Variants in PBX3 observed in about 807,000 individuals in gnomAD.
PBX3 encodes the protein PBX homeobox 3.
Under a neutral mutation model 48.5 loss-of-function variants are expected in PBX3, and 14 were observed. The ratio of observed to expected loss-of-function variants is 0.29; its 90% CI spans 0.19 to 0.45. The LOEUF (loss-of-function observed/expected upper bound fraction) is 0.45. Ranked by LOEUF, PBX3 falls within the 20% of genes least tolerant of loss-of-function variation. PBX3 has a pLI of 1.00. For missense variants in PBX3, 386 were observed against 546.7 expected, an observed-to-expected ratio of 0.71 and a Z score of 2.93; for synonymous variants, 210 against 200.3, an observed-to-expected ratio of 1.05 and a Z score of -0.41.
intron 2 of PBX3, among the ~76,000 whole-genome samples, chr9:125,870,179 C>T (rs1438893999): frequency 6.6e-6 from 1 of 151,678 alleles, no homozygotes; most frequent in Non-Finnish European, 1.5e-5. Flanking sequence ...AGGGATTCTC[C>T]TGCCTCAGCC....
intron 2 of PBX3, among the ~76,000 whole-genome samples, chr9:125,813,009 A>G (rs2132131582): frequency 6.6e-6 from 1 of 152,326 alleles, no homozygotes; most frequent in Middle Eastern, 3.4e-3. Context: ...AGTGCATACT[A>G]CCGCACACTT....
chr9:125,915,972 C>A (rs199575020), intron 3 of PBX3, 45 bp downstream of exon 3: 13 of 1,597,666 alleles, frequency 8.1e-6, no homozygotes, highest in Non-Finnish European at 1.1e-5. Flanking sequence ...CCCTCTGTTG[C>A]TCTTCTATTA....
chr9:125,777,212 C>T (rs1837097471), intron 2 of PBX3, among the ~76,000 whole-genome samples: 12 of 151,932 alleles, frequency 7.9e-5, no homozygotes, highest in Admixed American at 7.9e-4. Flanking sequence ...TGGGATTTTG[C>T]CACGTTGCCC....
At position 125,796,424 on chromosome 9, in the gene PBX3, T is replaced by C. The variant is rs1013582312; in HGVS notation, c.274+47801T>C. On this transcript the variant is annotated intron_variant, in intron 2 of 8. Transcript: ENST00000373489. The stretch of plus-strand genomic sequence containing the variant: ...CTTGAGAATCCATTTTCTCCACCAA[T>C]TGATGGGACAGATATGACAAGCCTT... Among the ~76,000 whole-genome samples, 9 of 152,176 alleles carry C rather than the reference T, an allele frequency of 5.9e-5. 1 individual carries two copies. The highest frequency in any genetic ancestry group is 1.3e-4 in the Admixed American group (2 of 15,272).
intron 2 of PBX3, among the ~76,000 whole-genome samples, chr9:125,805,488 A>C (rs1293887626): frequency 1.3e-5 from 2 of 152,190 alleles, no homozygotes; most frequent in African/African-American, 4.8e-5. Context: ...AATGGATTTT[A>C]GGAGGCCAAA....
intron 2 of PBX3, among the ~76,000 whole-genome samples, chr9:125,902,056 A>T (rs1018503221): frequency 2.0e-5 from 3 of 150,970 alleles, no homozygotes; most frequent in Admixed American, 6.6e-5. Context: ...TTAGATACCT[A>T]TTGTGGAAAT....
intron 2 of PBX3, among the ~76,000 whole-genome samples, chr9:125,795,693 G>A (rs866675138): frequency 2.0e-5 from 3 of 152,084 alleles, no homozygotes; most frequent in Admixed American, 6.5e-5. Context: ...TATTGACACT[G>A]TAAGACCATG....
intron 2 of PBX3, among the ~76,000 whole-genome samples, chr9:125,883,108 T>C (rs1564154998): frequency 6.6e-6 from 1 of 152,236 alleles, no homozygotes; most frequent in Non-Finnish European, 1.5e-5. Flanking sequence ...CGATAATACA[T>C]AGTGTTGATG....
At chr9:125,854,711 T>C (rs12353025) in intron 2 of PBX3, among the ~76,000 whole-genome samples, 10,690 of 152,256 alleles carry the variant, frequency 0.07, 1,173 homozygotes, top group African/African-American at 0.24. Context: ...TTCATAGTCA[T>C]ATTCATTTGT....
intron 2 of PBX3, among the ~76,000 whole-genome samples, chr9:125,784,275 T>C (rs1837402385): frequency 6.6e-6 from 1 of 152,132 alleles, no homozygotes; most frequent in Admixed American, 6.5e-5. Context: ...ATTACAGGCG[T>C]ATGGCACCAA....
chr9:125,845,156 C>T (rs554109354), intron 2 of PBX3, among the ~76,000 whole-genome samples: 10 of 152,110 alleles, frequency 6.6e-5, no homozygotes, highest in African/African-American at 1.4e-4. Flanking sequence ...CTAAATCTTT[C>T]GGAAAACCTT....
At position 125,949,327 on chromosome 9, in the gene PBX3, T is replaced by A. The variant is rs1414926628; in HGVS notation, c.844-11357T>A. 4 of 1,549,528 alleles carry A rather than the reference T, an allele frequency of 2.6e-6. No individual in the cohort carries two copies. In the African/African-American group the frequency reaches 5.5e-5, roughly 21 times the overall value. ...GGCCTGGCATCTCAGGAATGTTCAT[T>A]AAATGCCAGTTGTCATCCATTCAAC... On this transcript the variant is annotated intron_variant, in intron 5 of 8. Coordinates refer to ENST00000373489, the MANE Select transcript of PBX3 (RefSeq NM_006195.6).
intron 2 of PBX3, among the ~76,000 whole-genome samples, chr9:125,795,775 A>C (rs925719085): frequency 6.6e-6 from 1 of 152,206 alleles, no homozygotes; most frequent in East Asian, 1.9e-4. Flanking sequence ...AAATTTTAAA[A>C]ATTTAAAATA....
intron 2 of PBX3, among the ~76,000 whole-genome samples, chr9:125,764,720 A>T (rs991443493): frequency 6.6e-6 from 1 of 152,174 alleles, no homozygotes; most frequent in African/African-American, 2.4e-5. Context: ...AGAGTTTTAG[A>T]TCATTGCTTA....
intron 3 of PBX3, among the ~76,000 whole-genome samples, chr9:125,920,151 G>A (rs1841426346): frequency 6.6e-6 from 1 of 152,138 alleles, no homozygotes; most frequent in Non-Finnish European, 1.5e-5. Context: ...ACACCCAGCA[G>A]GAATATGATA....
intron 5 of PBX3, among the ~76,000 whole-genome samples, chr9:125,948,001 A>G (rs1302068887): frequency 6.6e-6 from 1 of 152,246 alleles, no homozygotes; most frequent in Non-Finnish European, 1.5e-5. Context: ...ACACATACAT[A>G]TAAGTCAGTA....
chr9:125,748,874 C>G (rs1022159634), intron 2 of PBX3: 27 of 338,838 alleles, frequency 8.0e-5, no homozygotes, highest in Admixed American at 2.6e-4. Context: ...CCGCCCCTGG[C>G]TGCAGGCGGG....
At chr9:125,918,216 A>C (rs1202839380) in intron 3 of PBX3, among the ~76,000 whole-genome samples, 1 of 152,104 alleles carries the variant, frequency 6.6e-6, no homozygotes, top group African/African-American at 2.4e-5. Flanking sequence ...CTGCCTCCTT[A>C]CTTTCTCCAT....
chr9:125,747,408 C>T lies in PBX3; in HGVS notation c.-46C>T. On this transcript the variant is annotated 5_prime_UTR_variant, in exon 1 of 9. Coordinates refer to ENST00000373489, the MANE Select transcript of PBX3 (RefSeq NM_006195.6). ...GTCGCCGCCGCCGCCGCCGCCGCCTCAGCCTTCGCCTCAGCCGCCGCCCGC... is the reference window on the plus strand; with the variant it reads ...GTCGCCGCCGCCGCCGCCGCCGCCTTAGCCTTCGCCTCAGCCGCCGCCCGC... 2.3e-6 allele frequency: 3 copies of T among 1,295,422 alleles called. No individual in the cohort carries two copies. The highest frequency in any genetic ancestry group is 3.0e-6 in the Non-Finnish European group (3 of 999,456). The allele number at this position is 1,295,422 out of a possible 1,614,324, so 80.2% of individuals were successfully genotyped here.
Sources: allele counts gnomAD v4.1 joint callset (sites outside exome capture counted in the v4.1 genomes callset), GRCh38; gene constraint gnomAD v4.1.1; transcripts MANE v1.5; gene names NCBI Gene and HGNC (gene_info 2026-07-23, HGNC 2026-07-21).